The following DNAH12 variants were observed in gnomAD, a reference collection of about 807,000 sequenced individuals.
The protein encoded by DNAH12 is axonemal beta dynein heavy chain 12.
In DNAH12, 285 loss-of-function variants were observed where a neutral mutation model predicts 371.5. The ratio of observed to expected loss-of-function variants is 0.77; its 90% CI spans 0.70 to 0.85. The LOEUF is 0.85. DNAH12 is among the 40% of genes least tolerant of loss of function. The pLI, the probability that DNAH12 is intolerant of heterozygous loss-of-function variation, is 0.00. For missense variants in DNAH12, 3,611 were observed against 3,689.4 expected (o/e 0.98, Z 0.55); for synonymous variants, 1,200 against 1,213.0 (o/e 0.99, Z 0.22).
chr3:57,478,615 G>C (rs568866614), intron 13 of DNAH12, among the ~76,000 whole-genome samples: 2 of 151,826 alleles, frequency 1.3e-5, no homozygotes, highest in Non-Finnish European at 2.9e-5. Flanking sequence ...TCCAAGAAAC[G>C]TAATTGTCAG....
At chr3:57,340,056 G>C (rs1482600204) in intron 60 of DNAH12, among the ~76,000 whole-genome samples, 1 of 149,852 alleles carries the variant, frequency 6.7e-6, no homozygotes, top group Non-Finnish European at 1.5e-5. Flanking sequence ...GGGGGACAAA[G>C]TGACACCCTG....
chr3:57,343,501 T>C (rs781802062), intron 60 of DNAH12, among the ~76,000 whole-genome samples: 1 of 152,350 alleles, frequency 6.6e-6, no homozygotes, highest in Middle Eastern at 3.4e-3. Context: ...AGGGGCACAA[T>C]GCACTGCGGA....
intron 62 of DNAH12, among the ~76,000 whole-genome samples, chr3:57,331,056 G>C (rs1049922767): frequency 6.6e-6 from 1 of 152,162 alleles, no homozygotes; most frequent in African/African-American, 2.4e-5. Flanking sequence ...TCTACCATCT[G>C]TCAGACATTG....
intron 69 of DNAH12, among the ~76,000 whole-genome samples, chr3:57,302,567 A>ATATATATATATATTTTTTTTT (rs2061380979): frequency 1.8e-4 from 5 of 27,484 alleles, no homozygotes; most frequent in Non-Finnish European, 3.2e-4. Context: ...ATATATATGT[A>ATATATATATATATTTTTTTTT]TTTTTTTTTT....
chr3:57,477,026 T>C (rs2066552557), intron 13 of DNAH12, among the ~76,000 whole-genome samples: 1 of 152,108 alleles, frequency 6.6e-6, no homozygotes, highest in Non-Finnish European at 1.5e-5. Flanking sequence ...ATTTCTGCAT[T>C]TCCAACTGAG....
intron 69 of DNAH12, among the ~76,000 whole-genome samples, chr3:57,302,732 C>A (rs1360176467): frequency 6.7e-6 from 1 of 149,994 alleles, no homozygotes; most frequent in African/African-American, 2.5e-5. Flanking sequence ...TGCACCACCA[C>A]ACCCAGCTAA....
intron 2 of DNAH12, among the ~76,000 whole-genome samples, chr3:57,527,659 A>G (rs2068696392): frequency 6.6e-6 from 1 of 152,184 alleles, no homozygotes; most frequent in Non-Finnish European, 1.5e-5. Flanking sequence ...ACATGATCCA[A>G]TCACCTCCCA....
chr3:57,555,382 A>G, the DNAH12 span, among the ~76,000 whole-genome samples: 1 of 152,118 alleles, frequency 6.6e-6, no homozygotes, highest in Non-Finnish European at 1.5e-5. Flanking sequence ...GAGTCTTCCT[A>G]TTTACTAACT....
At chr3:57,371,923 C>G (rs2063180135) in intron 55 of DNAH12, among the ~76,000 whole-genome samples, 2 of 74,562 alleles carry the variant, frequency 2.7e-5, no homozygotes, top group Admixed American at 2.5e-4. Context: ...AACTGTCAAC[C>G]CAGAATTCTA....
chr3:57,368,102 C>T lies in DNAH12; in HGVS notation c.8918G>A (p.Gly2973Asp), dbSNP rs2063090764. ...FGTPLLLENV[G>D]EELDPSLEPL... ...CTCCAAAGATGGATCCAGTTCTTCA[C>T]CAACATTTTCTAATAGAAGTGGAGT... The change falls in exon 56 of 74, where the codon GGT becomes GAT. Residue 2973 changes from glycine to aspartate, a missense_variant. This residue lies in a region of DNAH12 where 2,266 missense variants were observed against 2,236.9 expected (regional missense o/e 1.01). Coordinates refer to ENST00000495027, the MANE Select transcript of DNAH12 (RefSeq NM_001366028.2). 1 of 152,184 alleles carries T rather than the reference C, an allele frequency of 6.6e-6. No individual in the cohort carries two copies. Among genetic ancestry groups the T allele is most frequent in the African/African-American group, 2.4e-5 (1 of 41,448 alleles). 9.4% of individuals were successfully genotyped at this position (152,184 alleles called of 1,614,324 possible).
chr3:57,415,311 G>C lies in DNAH12; in HGVS notation c.5853+115C>G. 5 of 1,359,376 alleles carry C rather than the reference G, an allele frequency of 3.7e-6. No individual in the cohort carries two copies. In the South Asian group the frequency reaches 4.5e-5, roughly 12 times the overall value. 84.2% of individuals were successfully genotyped at this position (1,359,376 alleles called of 1,614,324 possible). A position where few individuals can be genotyped will look rare whatever the true frequency, so the allele number is the denominator to read the frequency against. ...AAAACTTGTAACTCCCCAAACATTT[G>C]AAAGTTTTAAATTCATAGATTTACA... On this transcript the variant is annotated intron_variant, in intron 38 of 73. Coordinates refer to ENST00000495027, the MANE Select transcript of DNAH12 (RefSeq NM_001366028.2).
intron 11 of DNAH12, among the ~76,000 whole-genome samples, chr3:57,490,934 C>T (rs2067095683): frequency 6.6e-6 from 1 of 151,734 alleles, no homozygotes; most frequent in Non-Finnish European, 1.5e-5. Flanking sequence ...ACTAAAACTA[C>T]AAAAATTAGC....
intron 14 of DNAH12, among the ~76,000 whole-genome samples, chr3:57,471,834 T>C (rs1406716264): frequency 5.3e-5 from 8 of 152,242 alleles, no homozygotes; most frequent in Non-Finnish European, 1.2e-4. Context: ...ATTAATTAAA[T>C]GCTTTATTTA....
Position 57,436,972 on chromosome 3 carries a change from T to A in DNAH12, c.4634A>T (p.Glu1545Val), listed in dbSNP as rs2153367487. 1 of 1,501,522 alleles carries A rather than the reference T, an allele frequency of 6.7e-7. No homozygotes were observed. The highest frequency in any genetic ancestry group is 1.4e-5 in the African/African-American group (1 of 70,322). 93.0% of individuals were successfully genotyped at this position (1,501,522 alleles called of 1,614,324 possible). ...FFLEKIIQTY[E>V]MMIVRHGFML... Reference sequence around the variant, plus strand: ...TTACCCATGTCTAACAATCATCATTTCATATGTTTGAATTATTTTTTCAAG... The same window carrying A: ...TTACCCATGTCTAACAATCATCATTACATATGTTTGAATTATTTTTTCAAG... Residue 1545 changes from glutamate to valine, a missense_variant, in exon 30 of 74, where the codon GAA (glutamate) becomes GTA (valine). By Grantham distance (121) the Glu-to-Val change is moderately radical. Around this residue, in one of 3 missense-constraint regions of DNAH12, gnomAD observed 2,266 missense variants for 2,236.9 expected, o/e 1.01. Coordinates refer to ENST00000495027, the MANE Select transcript of DNAH12 (RefSeq NM_001366028.2).
At chr3:57,302,529 G>GTTTATATATATA (rs879293648) in intron 69 of DNAH12, among the ~76,000 whole-genome samples, 1,909 of 47,746 alleles carry the variant, frequency 0.04, 337 homozygotes, top group East Asian at 0.21. Flanking sequence ...GGCATCAGGT[G>GTTTATATATATA]TATATATATA....
chr3:57,384,500 C>G (rs1484930637), intron 49 of DNAH12, among the ~76,000 whole-genome samples: 1 of 151,860 alleles, frequency 6.6e-6, no homozygotes, highest in Non-Finnish European at 1.5e-5. Context: ...AAAGATTAGC[C>G]AGGCCTAGTG....
At chr3:57,302,509 A>T (rs2061367957) in intron 69 of DNAH12, among the ~76,000 whole-genome samples, 1 of 125,364 alleles carries the variant, frequency 8.0e-6, no homozygotes, top group Non-Finnish European at 1.6e-5. Context: ...AGAAATGCTG[A>T]ATTAACTAAG....
At chr3:57,401,795 A>G (rs1159122110) in intron 43 of DNAH12, among the ~76,000 whole-genome samples, 1 of 152,184 alleles carries the variant, frequency 6.6e-6, no homozygotes, top group African/African-American at 2.4e-5. Flanking sequence ...AGAAATGAAA[A>G]TAGTAGCACA....
chr3:57,431,370 C>A (rs543698430), intron 32 of DNAH12, among the ~76,000 whole-genome samples: 1 of 152,300 alleles, frequency 6.6e-6, no homozygotes, highest in South Asian at 2.1e-4. Context: ...CCCATCAGAT[C>A]CTTGACCACC....
Sources: gnomAD v4.1 joint callset for allele counts (sites outside exome capture counted in the v4.1 genomes callset) on GRCh38, gnomAD v4.1.1 for gene constraint, gnomAD v4.1.1 regional missense constraint, MANE v1.5 for transcripts, NCBI Gene and HGNC (gene_info 2026-07-23, HGNC 2026-07-21) for gene names.